The following SLC6A17 variants were observed in gnomAD, a reference collection of about 807,000 sequenced individuals.
The protein encoded by SLC6A17 is sodium-dependent neutral amino acid transporter SLC6A17.
SLC6A17 carries 21 observed loss-of-function variants against 64.5 expected under a neutral mutation model. The observed-to-expected ratio is 0.33, with a 90% CI of 0.23 to 0.47. The LOEUF (loss-of-function observed/expected upper bound fraction) is 0.47. SLC6A17 is among the 20% of genes least tolerant of loss of function. SLC6A17 has a pLI of 1.00. For synonymous variants in SLC6A17, 372 were observed against 399.5 expected (o/e 0.93, Z 0.82); for missense variants, 682 against 963.2 (o/e 0.71, Z 3.86).
chr1:110,180,398 A>G (rs889248332), intron 6 of SLC6A17, among the ~76,000 whole-genome samples: 22 of 152,206 alleles, frequency 1.4e-4, no homozygotes, highest in African/African-American at 4.8e-4. Flanking sequence ...ACCCCAGCAC[A>G]CTACTGCTAA....
intron 1 of SLC6A17, among the ~76,000 whole-genome samples, chr1:110,158,008 G>A (rs1655805652): frequency 2.0e-5 from 3 of 152,046 alleles, no homozygotes; most frequent in Admixed American, 1.3e-4. Context: ...ACTCTATATT[G>A]TATGTGTTTA....
intron 1 of SLC6A17, among the ~76,000 whole-genome samples, chr1:110,157,860 C>T (rs1655799248): frequency 2.6e-5 from 4 of 152,142 alleles, no homozygotes; most frequent in African/African-American, 9.7e-5. Context: ...TTTCTGTTCC[C>T]TCTGCTCTGA....
At chr1:110,177,120 A>T (rs568105193) in intron 6 of SLC6A17, among the ~76,000 whole-genome samples, 8 of 152,320 alleles carry the variant, frequency 5.3e-5, no homozygotes, top group Non-Finnish European at 8.8e-5. Flanking sequence ...TAGCTAGGGT[A>T]TGAGAGCAGG....
intron 1 of SLC6A17, among the ~76,000 whole-genome samples, chr1:110,158,013 T>C (rs1488611454): frequency 8.5e-5 from 13 of 152,184 alleles, no homozygotes; most frequent in Admixed American, 2.6e-4. Flanking sequence ...ATATTGTATG[T>C]GTTTATTTGA....
intron 1 of SLC6A17, among the ~76,000 whole-genome samples, chr1:110,157,406 C>G (rs1293210587): frequency 6.6e-6 from 1 of 152,140 alleles, no homozygotes; most frequent in East Asian, 1.9e-4. Context: ...AACCCTGTCT[C>G]TACTAAAAAT....
At chr1:110,173,427 A>C (rs774263603) in intron 3 of SLC6A17, among the ~76,000 whole-genome samples, 1 of 152,220 alleles carries the variant, frequency 6.6e-6, no homozygotes, top group African/African-American at 2.4e-5. Flanking sequence ...TCCTATTTTA[A>C]ATAAAATTCT....
intron 2 of SLC6A17, among the ~76,000 whole-genome samples, chr1:110,171,072 T>A (rs1007922349): frequency 6.6e-6 from 1 of 152,212 alleles, no homozygotes; most frequent in Admixed American, 6.5e-5. Context: ...CCAGTGTTCA[T>A]TGGCAGATTG....
intron 1 of SLC6A17, among the ~76,000 whole-genome samples, chr1:110,161,025 G>A (rs1655894357): frequency 6.6e-6 from 1 of 152,318 alleles, no homozygotes; most frequent in East Asian, 1.9e-4. Flanking sequence ...ACCTGGTGGG[G>A]GTGGAGGCAA....
intron 6 of SLC6A17, among the ~76,000 whole-genome samples, chr1:110,181,534 C>T (rs188200625): frequency 1.1e-3 from 167 of 152,290 alleles, no homozygotes; most frequent in African/African-American, 3.8e-3. Context: ...ATGGAGCTTA[C>T]GTTCTGGTGG....
intron 6 of SLC6A17, among the ~76,000 whole-genome samples, chr1:110,178,369 A>G (rs1292394817): frequency 6.6e-6 from 1 of 152,174 alleles, no homozygotes; most frequent in Admixed American, 6.5e-5. Flanking sequence ...CACACACAAT[A>G]CTGCTCCCCA....
At chr1:110,173,299 A>T (rs1327228650) in intron 3 of SLC6A17, among the ~76,000 whole-genome samples, 13 of 152,226 alleles carry the variant, frequency 8.5e-5, no homozygotes, top group Non-Finnish European at 2.9e-5. Flanking sequence ...CTGATGCAGG[A>T]GACAGCCAGG....
At chr1:110,198,015 G>A in intron 11 of SLC6A17, 61 bp from the exon 12 acceptor site, 1 of 1,551,922 alleles carries the variant, frequency 6.4e-7, no homozygotes, top group Non-Finnish European at 8.7e-7. Flanking sequence ...AGTCTTGGAG[G>A]GCCTGGGCGG....
In SLC6A17 at chr1:110,195,680, C is replaced by G. The variant is rs1656943445; in HGVS notation, c.1587C>G (p.Thr529=). Reference sequence around the variant, plus strand: ...CCATGTTCGATGACTACTCGGCCACCCTGCCACTCACTCTCATCGTCATCC... The same window carrying G: ...CCATGTTCGATGACTACTCGGCCACGCTGCCACTCACTCTCATCGTCATCC... ...FVTMFDDYSA[T]LPLTLIVILE... Residue 529 remains threonine (T), a synonymous_variant, in exon 10 of 12, where the codon ACC becomes ACG. Coordinates refer to ENST00000331565, the MANE Select transcript of SLC6A17 (RefSeq NM_001010898.4). 6.2e-7 allele frequency: 1 copy of G among 1,614,102 alleles called. No individual in the cohort carries two copies. Among genetic ancestry groups the G allele is most frequent in the Admixed American group, 1.7e-5 (1 of 60,014 alleles).
chr1:110,179,703 G>A (rs753950179), intron 6 of SLC6A17, among the ~76,000 whole-genome samples: 9 of 151,962 alleles, frequency 5.9e-5, no homozygotes, highest in Admixed American at 1.3e-4. Context: ...ACAGGCATGC[G>A]CCACCACACC....
At chr1:110,179,246 G>T (rs761211576) in intron 6 of SLC6A17, among the ~76,000 whole-genome samples, 3 of 152,114 alleles carry the variant, frequency 2.0e-5, no homozygotes, top group Non-Finnish European at 4.4e-5. Flanking sequence ...TAAACACTAC[G>T]CAGGTCTTCA....
intron 6 of SLC6A17, among the ~76,000 whole-genome samples, chr1:110,187,830 C>G (rs148860665): frequency 6.6e-6 from 1 of 152,230 alleles, no homozygotes; most frequent in African/African-American, 2.4e-5. Context: ...AAAACTCACC[C>G]AAGAGATGGG....
chr1:110,191,182 T>C (rs1656816919), intron 6 of SLC6A17, among the ~76,000 whole-genome samples: 1 of 152,186 alleles, frequency 6.6e-6, no homozygotes, highest in Non-Finnish European at 1.5e-5. Flanking sequence ...AAAAGCTTCA[T>C]AGCCATTTAA....
rs182825606 is a variant in SLC6A17 at position 110,158,100 on chromosome 1, T to C, written c.-88+7217T>C. ...TATTTGTCTGATTTCTATTTGTCCCTCTGCACTAGAAATAAATCCAATGGA... is the reference window on the plus strand; with the variant it reads ...TATTTGTCTGATTTCTATTTGTCCCCCTGCACTAGAAATAAATCCAATGGA... On this transcript the variant is annotated intron_variant, in intron 1 of 11. Transcript: ENST00000331565. 1.2e-4 allele frequency among the ~76,000 whole-genome samples: 19 copies of C among 152,338 alleles called. No individual in the cohort carries two copies. The East Asian group carries it at 3.3e-3, about 26-fold the overall frequency.
At chr1:110,151,025 G>T (rs1570972724) in intron 1 of SLC6A17, 142 bp downstream of exon 1, 1 of 152,252 alleles carries the variant, frequency 6.6e-6, no homozygotes, top group Admixed American at 6.5e-5. Context: ...CCCTGCGCTC[G>T]TCCCGGGCTC....
Sources: allele counts gnomAD v4.1 joint callset (sites outside exome capture counted in the v4.1 genomes callset), GRCh38; gene constraint gnomAD v4.1.1; transcripts MANE v1.5; gene names NCBI Gene and HGNC (gene_info 2026-07-23, HGNC 2026-07-21).